PUS1: variants seen among roughly 807,000 people sequenced by gnomAD.
PUS1 encodes pseudouridylate synthase 1 homolog.
A neutral mutation model predicts 38.5 loss-of-function variants in PUS1; 25 were observed. That is an observed-to-expected ratio of 0.65 (90% CI 0.47 to 0.91). The LOEUF (loss-of-function observed/expected upper bound fraction) is 0.91. PUS1 is among the 40% of genes least tolerant of loss of function. PUS1 has a pLI of 0.00. For missense variants in PUS1, 597 were observed against 612.3 expected, an observed-to-expected ratio of 0.97 and a Z score of 0.26; for synonymous variants, 282 against 260.4, an observed-to-expected ratio of 1.08 and a Z score of -0.80.
chr12:131,940,282 C>T (rs1247097783), intron 4 of PUS1, among the ~76,000 whole-genome samples: 1 of 152,194 alleles, frequency 6.6e-6, no homozygotes, highest in Non-Finnish European at 1.5e-5. Context: ...TTACCTGCCT[C>T]AGCCTCCCAA....
At chr12:131,939,349 C>G (rs569457418) in intron 4 of PUS1, 74 bp downstream of exon 4, 1 of 954,922 alleles carries the variant, frequency 1.0e-6, no homozygotes, top group African/African-American at 1.6e-5. Flanking sequence ...TATGCATGCT[C>G]CTGCCTTTTC....
chr12:131,930,479 G>T (rs1291434649), intron 2 of PUS1, among the ~76,000 whole-genome samples: 2 of 152,254 alleles, frequency 1.3e-5, no homozygotes, highest in Non-Finnish European at 2.9e-5. Flanking sequence ...GCTGAGAACA[G>T]TGGACAGCTC....
chr12:131,930,219 T>G lies in PUS1; in HGVS notation c.303+84T>G, dbSNP rs559485752. On this transcript the variant is annotated intron_variant, in intron 2 of 5. Coordinates refer to ENST00000376649, the MANE Select transcript of PUS1 (RefSeq NM_025215.6). ...GGGAAGCGGTGGGTCCGGCTGGGTT[T>G]AGGTGCAGGAGCGGTCGCCCAGGTA... 90 of 992,732 alleles carry G rather than the reference T, an allele frequency of 9.1e-5. No homozygotes were observed. In the East Asian group the frequency reaches 2.7e-3, roughly 29 times the overall value. 61.5% of individuals were successfully genotyped at this position (992,732 alleles called of 1,614,324 possible).
chr12:131,942,165 G>A (rs1891106153), intron 5 of PUS1, among the ~76,000 whole-genome samples, 182 bp downstream of exon 5: 1 of 152,170 alleles, frequency 6.6e-6, no homozygotes, highest in Admixed American at 6.5e-5. Flanking sequence ...CCACCCACTT[G>A]CTCCCCCACG....
At position 131,929,459 on chromosome 12, in the gene PUS1, T is replaced by G; in HGVS notation, c.-264T>G. On this transcript the variant is annotated 5_prime_UTR_variant, in exon 1 of 6. Transcript: ENST00000376649. Reference sequence around the variant, plus strand: ...TTGATCCGTCAGGGTCCCGGGGCGGTCTGGGGGCAGTAGAGACGGGGCTTG... The same window carrying G: ...TTGATCCGTCAGGGTCCCGGGGCGGGCTGGGGGCAGTAGAGACGGGGCTTG... The G allele has an allele frequency of 2.4e-6, 1 of 419,520 alleles. No individual in the cohort carries two copies. Among genetic ancestry groups the G allele is most frequent in the South Asian group, 6.0e-5 (1 of 16,694 alleles). The allele number at this position is 419,520 out of a possible 1,614,324, so 26.0% of individuals were successfully genotyped here. A position where few individuals can be genotyped will look rare whatever the true frequency, so the allele number is the denominator to read the frequency against.
intron 3 of PUS1, among the ~76,000 whole-genome samples, chr12:131,938,172 C>T (rs1890911791): frequency 1.3e-5 from 2 of 152,080 alleles, no homozygotes; most frequent in African/African-American, 4.8e-5. Flanking sequence ...GGCCGGGCAT[C>T]GTTGCTTACA....
At chr12:131,937,195 C>T (rs1382380579) in intron 3 of PUS1, among the ~76,000 whole-genome samples, 1 of 152,126 alleles carries the variant, frequency 6.6e-6, no homozygotes, top group Admixed American at 6.6e-5. Flanking sequence ...TTACTCTTTC[C>T]AACTTTTTAT....
At position 131,929,669 on chromosome 12, in the gene PUS1, T is replaced by TGGG. The variant is rs1325755136; in HGVS notation, c.-51_-49dup. ...GTCGGCAGAGGCGGAGCTGGGGCAC[T>TGGG]GGGGGTCAGGGGTCGGGGATCAGGG... On this transcript the variant is annotated 5_prime_UTR_variant, in exon 1 of 6. Coordinates refer to ENST00000376649, the MANE Select transcript of PUS1 (RefSeq NM_025215.6). 4 of 1,134,144 alleles carry TGGG rather than the reference T, an allele frequency of 3.5e-6. No homozygotes were observed. Among genetic ancestry groups the TGGG allele is most frequent in the African/African-American group, 2.4e-5 (1 of 42,274 alleles). The allele number at this position is 1,134,144 out of a possible 1,614,324, so 70.3% of individuals were successfully genotyped here.
intron 4 of PUS1, 126 bp downstream of exon 4, chr12:131,939,401 A>G (rs1890973390): frequency 1.4e-6 from 1 of 738,556 alleles, no homozygotes; most frequent in South Asian, 1.5e-5. Context: ...GTTGCTTTGC[A>G]GCTGGTTCTG....
chr12:131,932,136 C>T (rs1408605805), intron 2 of PUS1, 39 bp from the exon 3 acceptor site: 1 of 1,600,880 alleles, frequency 6.2e-7, no homozygotes, highest in African/African-American at 1.3e-5. Flanking sequence ...CGACCTCTGT[C>T]TGCAAAATAT....
Position 131,941,902 on chromosome 12 carries a change from C to A in PUS1, c.1155C>A (p.Arg385=). Reference sequence around the variant, plus strand: ...TCATCGGCACCGAGCGGGACGAACGCTCCATGGCCCAGTGGCTGAGCACCT... The same window carrying A: ...TCATCGGCACCGAGCGGGACGAACGATCCATGGCCCAGTGGCTGAGCACCT... ...PTIIGTERDE[R]SMAQWLSTLP... is the part of the protein sequence containing the mutation. Residue 385 remains arginine, a synonymous_variant, in exon 5 of 6, where the codon CGC becomes CGA. Transcript: ENST00000376649. This position sits in a 1 kb window ranked among gnomAD's most constrained non-coding sequence, Gnocchi z 4.4. The A allele has an allele frequency of 6.2e-7, 1 of 1,613,468 alleles. No homozygotes were observed. The highest frequency in any genetic ancestry group is 8.5e-7 in the Non-Finnish European group (1 of 1,180,044).
rs183554230 is a variant in PUS1, at chr12:131,939,127, G to A, written c.442-46G>A. On this transcript the variant is annotated intron_variant, in intron 3 of 5. Transcript: ENST00000376649. The stretch of plus-strand genomic sequence containing the variant: ...TTCTTTCTCAGAGACCAGCGTGCGA[G>A]GCCCAAGGGACCCACCTTCCGTCAC... 740 of 1,261,366 alleles carry A rather than the reference G, an allele frequency of 5.9e-4. 4 individuals carry two copies. Among genetic ancestry groups the A allele is most frequent in the Admixed American group, 9.5e-4 (48 of 50,678 alleles). 78.1% of individuals were successfully genotyped at this position (1,261,366 alleles called of 1,614,324 possible).
chr12:131,936,643 CTT>C (rs2136437943), intron 3 of PUS1, among the ~76,000 whole-genome samples: 1 of 152,262 alleles, frequency 6.6e-6, no homozygotes, highest in Non-Finnish European at 1.5e-5. Context: ...AATCCCAACA[CTT>C]TGGGAGGCCA....
rs766527657 is a variant in PUS1, at chr12:131,934,986, G to C, written c.441+2674G>C. ...GGATCCATGGATGCATTCTGGAGCC[G>C]TCGTACAGAGGGGAGAACACAAAGA... On this transcript the variant is annotated intron_variant, in intron 3 of 5. Transcript: ENST00000376649. The C allele has an allele frequency of 6.0e-4, 92 of 152,400 alleles. 1 individual carries two copies. The highest frequency in any genetic ancestry group is 1.9e-3 in the African/African-American group (81 of 41,582). 9.4% of individuals were successfully genotyped at this position (152,400 alleles called of 1,614,324 possible).
chr12:131,938,859 C>G (rs2136440290), intron 3 of PUS1, among the ~76,000 whole-genome samples: 1 of 152,138 alleles, frequency 6.6e-6, no homozygotes, highest in South Asian at 2.1e-4. Context: ...GTAGCTGGGA[C>G]TACAGGCGCC....
chr12:131,938,009 ACT>A lies in PUS1; in HGVS notation c.442-1159_442-1158del, dbSNP rs1267104992. ...TCATCTAACATGTCCAAAGTAGGAA[ACT>A]CTCTTTTCTGTTTTCTTTTTCTTTT... On this transcript the variant is annotated intron_variant, in intron 3 of 5. Coordinates refer to ENST00000376649, the MANE Select transcript of PUS1 (RefSeq NM_025215.6). 3.3e-5 allele frequency among the ~76,000 whole-genome samples: 5 copies of A among 151,718 alleles called. No individual in the cohort carries two copies. The East Asian group carries it at 5.8e-4, about 18-fold the overall frequency.
chr12:131,941,757 G>C lies in PUS1; in HGVS notation c.1010G>C (p.Arg337Thr). 6.2e-7 allele frequency: 1 copy of C among 1,613,950 alleles called. No homozygotes were observed. The highest frequency in any genetic ancestry group is 8.5e-7 in the Non-Finnish European group (1 of 1,179,826). ...CCCGGACTCGGCCTGGTCCTGGAGA[G>C]GGTGCACTTCGAGAAGTACAACCAG... is the stretch of plus-strand genomic sequence containing the variant. ...KAPGLGLVLE[R>T]VHFEKYNQRF... Residue 337 changes from arginine to threonine, a missense_variant, in exon 5 of 6, where the codon AGG (arginine) becomes ACG (threonine). Coordinates refer to ENST00000376649, the MANE Select transcript of PUS1 (RefSeq NM_025215.6). This position sits in a 1 kb window ranked among gnomAD's most constrained non-coding sequence, Gnocchi z 4.4.
In PUS1 at chr12:131,941,508, C is replaced by T. The variant is rs753950876; in HGVS notation, c.761C>T (p.Pro254Leu). 11 of 1,614,104 alleles carry T rather than the reference C, an allele frequency of 6.8e-6. No individual in the cohort carries two copies. Among genetic ancestry groups the T allele is most frequent in the Admixed American group, 1.7e-5 (1 of 60,014 alleles). The change falls in exon 5 of 6, where the codon CCG becomes CTG. Residue 254 changes from proline to leucine, a missense_variant. Pro to Leu is a moderately conservative substitution (Grantham distance 98, BLOSUM62 -3). Coordinates refer to ENST00000376649, the MANE Select transcript of PUS1 (RefSeq NM_025215.6). The surrounding 1 kb of genome is among the most constrained non-coding windows in gnomAD (Gnocchi z 4.4). ...CACAATTTCACCTCGCAGAAGGGGCCGCAGGATCCCAGTGCCTGCCGCTAC... is the reference window on the plus strand; with the variant it reads ...CACAATTTCACCTCGCAGAAGGGGCTGCAGGATCCCAGTGCCTGCCGCTAC... ...NFHNFTSQKG[P>L]QDPSACRYIL...
chr12:131,931,416 C>T (rs1020170663), intron 2 of PUS1: 9 of 152,264 alleles, frequency 5.9e-5, no homozygotes, highest in African/African-American at 2.2e-4. Context: ...GTCTCCGTCT[C>T]CCAAAGTGCT....
Sources: allele counts gnomAD v4.1 joint callset (sites outside exome capture counted in the v4.1 genomes callset), GRCh38; gene constraint gnomAD v4.1.1; non-coding constraint Gnocchi (gnomAD v3.1); transcripts MANE v1.5; gene names NCBI Gene and HGNC (gene_info 2026-07-23, HGNC 2026-07-21).